Variants in TMEM178B observed in about 807,000 individuals in gnomAD.
The protein encoded by TMEM178B is transmembrane protein 178B.
Under a neutral mutation model 31.0 loss-of-function variants are expected in TMEM178B, and 5 were observed. That is an observed-to-expected ratio of 0.16 (90% confidence interval 0.08 to 0.34). TMEM178B has a LOEUF of 0.34. TMEM178B is among the 10% of genes least tolerant of loss of function. The pLI is 1.00. For synonymous variants in TMEM178B, 164 were observed against 164.0 expected (o/e 1.00, Z 0.00); for missense variants, 275 against 400.3 (o/e 0.69, Z 2.67).
chr7:141,095,332 C>CT (rs1251810991), intron 1 of TMEM178B, among the ~76,000 whole-genome samples: 2 of 152,164 alleles, frequency 1.3e-5, no homozygotes, highest in Non-Finnish European at 2.9e-5. Flanking sequence ...TTAGTTCCAC[C>CT]TGTAATTTGC....
chr7:141,445,129 C>A (rs1011422175), intron 3 of TMEM178B, among the ~76,000 whole-genome samples: 2 of 152,142 alleles, frequency 1.3e-5, no homozygotes, highest in African/African-American at 2.4e-5. Context: ...TAAAGAAGCT[C>A]AGGCTATTAT....
rs13233459 is a variant in TMEM178B at position 141,437,660 on chromosome 7, C to T, written c.549C>T (p.Leu183=). The T allele has an allele frequency of 0.39, 601,212 of 1,535,998 alleles. 127,627 individuals are homozygous for T. The highest frequency in any genetic ancestry group is 0.44 in the Non-Finnish European group (506,774 of 1,146,834). Residue 183 remains leucine (L), a synonymous_variant, in exon 3 of 4, where the codon CTC becomes CTT. Coordinates refer to ENST00000565468, the MANE Select transcript of TMEM178B (RefSeq NM_001195278.2). ...TGGGCATGGCGGTGGCCATCATCCT[C>T]TTTGGCTGGATCATCGGCGTGCTGG... ...GFMGMAVAII[L]FGWIIGVLGC...
chr7:141,349,941 A>T (rs1361502147), intron 2 of TMEM178B, among the ~76,000 whole-genome samples: 1 of 151,494 alleles, frequency 6.6e-6, no homozygotes, highest in Non-Finnish European at 1.5e-5. Flanking sequence ...CCATGCATCC[A>T]TCCATGCATC....
At chr7:141,331,198 G>A (rs934944822) in intron 2 of TMEM178B, among the ~76,000 whole-genome samples, 1 of 152,204 alleles carries the variant, frequency 6.6e-6, no homozygotes, top group African/African-American at 2.4e-5. Context: ...ACATAAATTT[G>A]GGAGTCTTTG....
chr7:141,476,280 T>C lies in TMEM178B; in HGVS notation c.*5494T>C, dbSNP rs1409555902. The C allele has an allele frequency of 6.6e-6, 1 of 152,208 alleles. No homozygotes were observed. The highest frequency in any genetic ancestry group is 1.5e-5 in the Non-Finnish European group (1 of 68,040). The allele number at this position is 152,208 out of a possible 1,614,324, so 9.4% of individuals were successfully genotyped here. On this transcript the variant is annotated 3_prime_UTR_variant, in exon 4 of 4. Coordinates refer to ENST00000565468, the MANE Select transcript of TMEM178B (RefSeq NM_001195278.2). ...TTGGCTCCTTATTTTTCTTTACCTA[T>C]TCCTAGACTTCCTTTTGTCTAGAGC...
Position 141,474,342 on chromosome 7 carries a change from A to G in TMEM178B, c.*3556A>G, listed in dbSNP as rs1802317982. 6.6e-6 allele frequency: 1 copy of G among 152,184 alleles called. No homozygotes were observed. Among genetic ancestry groups the G allele is most frequent in the African/African-American group, 2.4e-5 (1 of 41,448 alleles). 9.4% of individuals were successfully genotyped at this position (152,184 alleles called of 1,614,324 possible). A position where few individuals can be genotyped will look rare whatever the true frequency, so the allele number is the denominator to read the frequency against. On this transcript the variant is annotated 3_prime_UTR_variant, in exon 4 of 4. Coordinates refer to ENST00000565468, the MANE Select transcript of TMEM178B (RefSeq NM_001195278.2). ...TGCATCAACTTTGGTCAATTAACAT[A>G]GACAAGTGATTCATCTGTAGAGAGG...
In TMEM178B at chr7:141,367,063, C is replaced by CG. The variant is rs1563163209; in HGVS notation, c.497-70545_497-70544insG. ...GTTGAGGGATTGTGCTGCTGCCATT[C>CG]AGGGGGAGCCACATGACAGCAGGGG... On this transcript the variant is annotated intron_variant, in intron 2 of 3. Transcript: ENST00000565468. Among the ~76,000 whole-genome samples, 280 of 88,958 alleles carry CG rather than the reference C, an allele frequency of 3.1e-3. 1 individual carries two copies. Among genetic ancestry groups the CG allele is most frequent in the African/African-American group, 0.011 (251 of 22,710 alleles). The allele number at this position is 88,958 out of a possible 152,430, so 58.4% of individuals were successfully genotyped here.
In TMEM178B at chr7:141,143,235, G is replaced by T. The variant is rs12668276; in HGVS notation, c.382+68543G>T. ...TTTAGTTTAATTAGGTCCCACTTGT[G>T]AATATTTGTTTTTGTAGCAATTGCT... On this transcript the variant is annotated intron_variant, in intron 1 of 3. Coordinates refer to ENST00000565468, the MANE Select transcript of TMEM178B (RefSeq NM_001195278.2). Among the ~76,000 whole-genome samples the T allele has an allele frequency of 1.4e-3, 210 of 152,220 alleles. No individual in the cohort carries two copies. The East Asian group carries it at 0.035, about 25-fold the overall frequency.
intron 2 of TMEM178B, among the ~76,000 whole-genome samples, chr7:141,350,408 A>T (rs889972139): frequency 2.0e-5 from 3 of 152,146 alleles, no homozygotes; most frequent in Admixed American, 6.5e-5. Flanking sequence ...GTCTGAGAGG[A>T]GGGACATTGT....
intron 2 of TMEM178B, among the ~76,000 whole-genome samples, chr7:141,397,372 A>C (rs1009464436): frequency 6.6e-6 from 1 of 152,168 alleles, no homozygotes. Context: ...CTGTTGGCAA[A>C]TCAGGTCAGG....
At position 141,108,041 on chromosome 7, in the gene TMEM178B, A is replaced by T. The variant is rs75609242; in HGVS notation, c.382+33349A>T. On this transcript the variant is annotated intron_variant, in intron 1 of 3. Coordinates refer to ENST00000565468, the MANE Select transcript of TMEM178B (RefSeq NM_001195278.2). ...GCTGGTCGAACAGCTGAGGACTGAG[A>T]TTTGACCATTGCATTTGGCAATTTA... Among the ~76,000 whole-genome samples, 61 of 152,290 alleles carry T rather than the reference A, an allele frequency of 4.0e-4. 2 individuals carry two copies. The East Asian group carries it at 0.011, about 28-fold the overall frequency.
At chr7:141,436,612 G>A (rs1292468285) in intron 2 of TMEM178B, among the ~76,000 whole-genome samples, 1 of 152,036 alleles carries the variant, frequency 6.6e-6, no homozygotes, top group Non-Finnish European at 1.5e-5. Context: ...TGATGGATGA[G>A]GAAAGTGTGC....
chr7:141,361,458 T>G (rs907069228), intron 2 of TMEM178B, among the ~76,000 whole-genome samples: 3 of 152,302 alleles, frequency 2.0e-5, no homozygotes, highest in Non-Finnish European at 4.4e-5. Context: ...TGGTAAGATG[T>G]GTATTGTTTG....
At chr7:141,488,577 C>T in the TMEM178B span, among the ~76,000 whole-genome samples, 2 of 151,946 alleles carry the variant, frequency 1.3e-5, no homozygotes, top group Admixed American at 6.6e-5. Context: ...GTAGCTGGGA[C>T]TACAGGTGCA....
the TMEM178B span, among the ~76,000 whole-genome samples, chr7:141,485,750 G>A: frequency 2.0e-5 from 3 of 152,196 alleles, no homozygotes; most frequent in African/African-American, 7.2e-5. Context: ...ATGTCTGGTG[G>A]CATCACTGGC....
intron 2 of TMEM178B, among the ~76,000 whole-genome samples, chr7:141,399,008 G>T (rs1008624345): frequency 6.6e-6 from 1 of 152,208 alleles, no homozygotes; most frequent in Non-Finnish European, 1.5e-5. Context: ...AGTATCAAGC[G>T]GTAATCAGTG....
intron 2 of TMEM178B, among the ~76,000 whole-genome samples, chr7:141,227,409 A>G (rs1160935069): frequency 1.3e-5 from 2 of 152,188 alleles, no homozygotes; most frequent in Non-Finnish European, 1.5e-5. Context: ...AATAATCACC[A>G]CTTACTGACA....
At chr7:141,230,803 ATTTTTAT>A (rs893142037) in intron 2 of TMEM178B, among the ~76,000 whole-genome samples, 4 of 151,986 alleles carry the variant, frequency 2.6e-5, no homozygotes, top group African/African-American at 9.7e-5. Context: ...CACCTGGCTA[ATTTTTAT>A]TTTTTATTTT....
chr7:141,142,714 T>A (rs1563098866), intron 1 of TMEM178B, among the ~76,000 whole-genome samples: 1 of 152,208 alleles, frequency 6.6e-6, no homozygotes, highest in Non-Finnish European at 1.5e-5. Context: ...GCCGAACAAT[T>A]TATTTTCATT....
Sources: allele counts gnomAD v4.1 joint callset (sites outside exome capture counted in the v4.1 genomes callset), GRCh38; gene constraint gnomAD v4.1.1; transcripts MANE v1.5; gene names NCBI Gene and HGNC (gene_info 2026-07-23, HGNC 2026-07-21).